Variants in LPXN observed in about 807,000 individuals in gnomAD.
The protein encoded by LPXN is leupaxin.
A neutral mutation model predicts 45.6 loss-of-function variants in LPXN; 28 were observed. The observed-to-expected ratio is 0.61, with a 90% CI of 0.45 to 0.84. The LOEUF is 0.84. Ranked by LOEUF, LPXN falls within the 40% of genes least tolerant of loss-of-function variation. The pLI, the probability that LPXN is intolerant of heterozygous loss-of-function variation, is 0.00. For synonymous variants in LPXN, 166 were observed against 169.9 expected, an observed-to-expected ratio of 0.98 and a Z score of 0.18; for missense variants, 459 against 475.0, an observed-to-expected ratio of 0.97 and a Z score of 0.31.
chr11:58,534,764 T>C (rs1354977568), intron 7 of LPXN, among the ~76,000 whole-genome samples: 4 of 151,692 alleles, frequency 2.6e-5, no homozygotes, highest in African/African-American at 7.3e-5. Context: ...ACAAAATAGA[T>C]AGACTACTAG....
intron 7 of LPXN, among the ~76,000 whole-genome samples, chr11:58,531,092 TG>T (rs1288469611): frequency 6.6e-6 from 1 of 152,094 alleles, no homozygotes. Context: ...CTCAAGAAGA[TG>T]GGGAGAAACC....
At chr11:58,542,093 T>C (rs1445681635) in intron 7 of LPXN, among the ~76,000 whole-genome samples, 2 of 151,778 alleles carry the variant, frequency 1.3e-5, no homozygotes, top group African/African-American at 4.8e-5. Flanking sequence ...TAATGCTAAA[T>C]GACGAGTTAA....
chr11:58,559,904 C>A (rs1218588093), intron 3 of LPXN, among the ~76,000 whole-genome samples: 3 of 152,040 alleles, frequency 2.0e-5, no homozygotes, highest in Non-Finnish European at 2.9e-5. Context: ...AATTTACTTC[C>A]ATTTATATAA....
chr11:58,545,062 C>T (rs772453209), intron 7 of LPXN, among the ~76,000 whole-genome samples: 77 of 152,116 alleles, frequency 5.1e-4, no homozygotes, highest in Non-Finnish European at 9.4e-4. Context: ...TGGCAGGAGA[C>T]CTTTTTACAG....
intron 4 of LPXN, among the ~76,000 whole-genome samples, chr11:58,552,947 CTGGA>C (rs1313229267): frequency 2.0e-5 from 3 of 152,128 alleles, no homozygotes; most frequent in Non-Finnish European, 2.9e-5. Flanking sequence ...TGGGGCAGAA[CTGGA>C]TGGCTAGGGT....
intron 2 of LPXN, among the ~76,000 whole-genome samples, chr11:58,567,882 CAAAT>C (rs1854570356): frequency 6.6e-6 from 1 of 152,136 alleles, no homozygotes; most frequent in Non-Finnish European, 1.5e-5. Context: ...TATAATAAAA[CAAAT>C]AGAGCTTCAC....
intron 1 of LPXN, among the ~76,000 whole-genome samples, chr11:58,575,537 A>G (rs1391463576): frequency 6.6e-6 from 1 of 152,238 alleles, no homozygotes; most frequent in African/African-American, 2.4e-5. Context: ...GGTTAGCACC[A>G]AACTCTCCAT....
At chr11:58,541,881 T>C (rs1490715291) in intron 7 of LPXN, among the ~76,000 whole-genome samples, 1 of 152,092 alleles carries the variant, frequency 6.6e-6, no homozygotes, top group Non-Finnish European at 1.5e-5. Context: ...TGAGTTCATG[T>C]CCTTTGTAGG....
At chr11:58,529,966 C>T (rs1853338506) in intron 7 of LPXN, among the ~76,000 whole-genome samples, 1 of 152,110 alleles carries the variant, frequency 6.6e-6, no homozygotes, top group Non-Finnish European at 1.5e-5. Context: ...AAAGAGAAGC[C>T]ATTAGAAACT....
chr11:58,572,834 G>A (rs917656918), intron 1 of LPXN, among the ~76,000 whole-genome samples: 2 of 152,148 alleles, frequency 1.3e-5, no homozygotes, highest in African/African-American at 4.8e-5. Flanking sequence ...TATATATGAA[G>A]TAAGACTGAT....
intron 3 of LPXN, among the ~76,000 whole-genome samples, chr11:58,561,828 T>C (rs891175315): frequency 1.3e-5 from 2 of 152,364 alleles, no homozygotes; most frequent in South Asian, 4.1e-4. Flanking sequence ...CCAACAGTTA[T>C]TGAGTCAACA....
chr11:58,544,911 G>T (rs1442444136), intron 7 of LPXN, among the ~76,000 whole-genome samples: 1 of 152,062 alleles, frequency 6.6e-6, no homozygotes, highest in African/African-American at 2.4e-5. Flanking sequence ...CCTTAAAGAG[G>T]AATTCTTTGG....
In LPXN at chr11:58,545,712, A is replaced by G. The variant is rs186811788; in HGVS notation, c.742+4074T>C. On this transcript the variant is annotated intron_variant, in intron 7 of 8. Coordinates refer to ENST00000395074, the MANE Select transcript of LPXN (RefSeq NM_004811.3). The stretch of plus-strand genomic sequence containing the variant: ...CAAAAGTAAAGAGATCCAACAGCCG[A>G]AGAGGAATTGAATTTCAGTCAAAAG... Among the ~76,000 whole-genome samples the G allele has an allele frequency of 2.4e-4, 36 of 152,294 alleles. No homozygotes were observed. The East Asian group carries it at 6.8e-3, about 29-fold the overall frequency.
chr11:58,537,209 C>T (rs1240416298), intron 7 of LPXN, among the ~76,000 whole-genome samples: 36 of 152,222 alleles, frequency 2.4e-4, no homozygotes, highest in East Asian at 1.9e-4. Flanking sequence ...GACACATGCA[C>T]ACATATGCTT....
intron 7 of LPXN, among the ~76,000 whole-genome samples, chr11:58,540,330 A>G (rs1391117244): frequency 6.6e-6 from 1 of 152,172 alleles, no homozygotes; most frequent in Non-Finnish European, 1.5e-5. Context: ...AAACAGCAAA[A>G]TGCAATGCAC....
chr11:58,578,042 G>C, upstream of LPXN: 1 of 1,550,936 alleles, frequency 6.4e-7, no homozygotes, highest in Admixed American at 2.0e-5. Context: ...CAATAATGTA[G>C]ACATGAACGC....
intron 7 of LPXN, among the ~76,000 whole-genome samples, chr11:58,533,046 T>A (rs1661056057): frequency 6.6e-6 from 1 of 151,274 alleles, no homozygotes; most frequent in African/African-American, 2.4e-5. Flanking sequence ...ACACTCACCG[T>A]GAAGGTCTGC....
At chr11:58,552,934 C>T (rs1354258975) in intron 4 of LPXN, among the ~76,000 whole-genome samples, 1 of 152,088 alleles carries the variant, frequency 6.6e-6, no homozygotes. Flanking sequence ...TGCCTATCTC[C>T]GGTGGGGCAG....
At chr11:58,533,187 C>T (rs1432442348) in intron 7 of LPXN, among the ~76,000 whole-genome samples, 4 of 152,264 alleles carry the variant, frequency 2.6e-5, no homozygotes, top group South Asian at 4.2e-4. Context: ...CGCAAGGGTC[C>T]GCGGCTTCAT....
Sources: allele counts gnomAD v4.1 joint callset (sites outside exome capture counted in the v4.1 genomes callset), GRCh38; gene constraint gnomAD v4.1.1; transcripts MANE v1.5; gene names NCBI Gene and HGNC (gene_info 2026-07-23, HGNC 2026-07-21).